PAN3: variants seen among roughly 807,000 people sequenced by gnomAD.
PAN3 encodes poly(A) specific ribonuclease subunit PAN3, also known as PAN2-PAN3 deadenylation complex subunit PAN3.
A neutral mutation model predicts 96.2 loss-of-function variants in PAN3; 19 were observed. The ratio of observed to expected loss-of-function variants is 0.20; its 90% CI spans 0.14 to 0.29. The LOEUF (loss-of-function observed/expected upper bound fraction) is 0.29, where lower values mean the gene tolerates loss of function less well. PAN3 is among the 10% of genes least tolerant of loss of function. The probability of loss-of-function intolerance (pLI) is 1.00; values close to 1 mark genes in which losing one functional copy is unlikely to be tolerated. For missense variants in PAN3, 882 were observed against 1,108.1 expected (o/e 0.80, Z 2.90); for synonymous variants, 433 against 406.6 (o/e 1.06, Z -0.78).
chr13:28,185,349 T>G (rs1301005015), intron 4 of PAN3, among the ~76,000 whole-genome samples: 1 of 152,204 alleles, frequency 6.6e-6, no homozygotes, highest in Non-Finnish European at 1.5e-5. Context: ...TCCTGCTAAG[T>G]AAAGAGTATT....
At chr13:28,224,140 G>A (rs550523198) in intron 6 of PAN3, among the ~76,000 whole-genome samples, 11 of 152,200 alleles carry the variant, frequency 7.2e-5, no homozygotes, top group Non-Finnish European at 1.3e-4. Flanking sequence ...CAAAGTGCTG[G>A]GATTACAGGC....
Position 28,203,161 on chromosome 13 carries a change from G to A in PAN3, c.852+5815G>A, listed in dbSNP as rs555206023. Reference sequence around the variant, plus strand: ...TTTTTGGTAGAAACAGGGTTTCACCGTGTTGCCCAGGCTGTTCTTGAACTC... The same window carrying A: ...TTTTTGGTAGAAACAGGGTTTCACCATGTTGCCCAGGCTGTTCTTGAACTC... On this transcript the variant is annotated intron_variant, in intron 5 of 18. Coordinates refer to ENST00000380958, the MANE Select transcript of PAN3 (RefSeq NM_175854.8). Among the ~76,000 whole-genome samples, 7 of 151,344 alleles carry A rather than the reference G, an allele frequency of 4.6e-5. No individual in the cohort carries two copies. The South Asian group carries it at 6.3e-4, about 14-fold the overall frequency.
intron 6 of PAN3, among the ~76,000 whole-genome samples, chr13:28,227,211 G>A (rs1882098582): frequency 6.6e-6 from 1 of 152,192 alleles, no homozygotes; most frequent in African/African-American, 2.4e-5. Context: ...CGCAGAGAGG[G>A]ATGTGGCTGC....
Position 28,270,633 on chromosome 13 carries a change from G to T in PAN3, c.1793-68G>T. ...TACATGAATTGTCTTTGCTAATTTT[G>T]ATGTTAATGCTTTAGTCTTTTAGTT... On this transcript the variant is annotated intron_variant, in intron 12 of 18. Transcript: ENST00000380958. The T allele has an allele frequency of 2.0e-6, 3 of 1,498,612 alleles. No individual in the cohort carries two copies. The South Asian group carries it at 3.7e-5, about 18-fold the overall frequency. 92.8% of individuals were successfully genotyped at this position (1,498,612 alleles called of 1,614,324 possible). A position where few individuals can be genotyped will look rare whatever the true frequency, so the allele number is the denominator to read the frequency against.
At chr13:28,211,774 A>C (rs1880066109) in intron 5 of PAN3, among the ~76,000 whole-genome samples, 1 of 152,230 alleles carries the variant, frequency 6.6e-6, no homozygotes, top group Admixed American at 6.5e-5. Context: ...CATATGTAAC[A>C]GCAGTTTTCA....
rs990881819 is a variant in PAN3, at chr13:28,260,673, C to T, written c.1353+122C>T. 22 of 730,940 alleles carry T rather than the reference C, an allele frequency of 3.0e-5. No homozygotes were observed. The African/African-American group carries it at 3.8e-4, about 13-fold the overall frequency. 45.3% of individuals were successfully genotyped at this position (730,940 alleles called of 1,614,324 possible). ...TCAAATATGCTCTAGTAAAGCACAT[C>T]GAATTTAGAAGTTTTAATTGGTATT... On this transcript the variant is annotated intron_variant, in intron 8 of 18. Transcript: ENST00000380958.
chr13:28,177,820 T>C (rs1364601976), intron 3 of PAN3, 45 bp from the exon 4 acceptor site: 2 of 1,499,490 alleles, frequency 1.3e-6, no homozygotes, highest in Non-Finnish European at 1.9e-6. Context: ...GATTTGCGGG[T>C]TACCCAAGTT....
chr13:28,277,035 C>T (rs1450069123), intron 14 of PAN3, among the ~76,000 whole-genome samples: 1 of 152,056 alleles, frequency 6.6e-6, no homozygotes, highest in Non-Finnish European at 1.5e-5. Flanking sequence ...TTTCTGGACC[C>T]ACCCAATGAG....
chr13:28,251,897 T>TTTGG (rs1456043109), intron 6 of PAN3, among the ~76,000 whole-genome samples: 24 of 152,024 alleles, frequency 1.6e-4, no homozygotes, highest in East Asian at 3.9e-4. Context: ...TGTTTGTTTG[T>TTTGG]TTGGTTTTGA....
chr13:28,178,538 C>G (rs1052197268), intron 4 of PAN3, among the ~76,000 whole-genome samples: 1 of 151,914 alleles, frequency 6.6e-6, no homozygotes, highest in East Asian at 1.9e-4. Context: ...CTTGTTAATA[C>G]TAATAATCAT....
intron 1 of PAN3, among the ~76,000 whole-genome samples, chr13:28,171,059 G>A (rs1250007585): frequency 6.6e-6 from 1 of 152,112 alleles, no homozygotes; most frequent in South Asian, 2.1e-4. Flanking sequence ...GCCTCCCAAA[G>A]TGCTGGGATT....
chr13:28,249,640 G>A lies in PAN3; in HGVS notation c.1001-6652G>A, dbSNP rs143472747. 1.9e-3 allele frequency among the ~76,000 whole-genome samples: 291 copies of A among 152,072 alleles called. 1 individual carries two copies. Among genetic ancestry groups the A allele is most frequent in the Admixed American group, 4.5e-3 (68 of 15,256 alleles). On this transcript the variant is annotated intron_variant, in intron 6 of 18. Transcript: ENST00000380958. Reference sequence around the variant, plus strand: ...ATTTTTTGTATTTTTAGTAGAGACGGGGTTTCACCATGTTGACCAGGCTGG... The same window carrying A: ...ATTTTTTGTATTTTTAGTAGAGACGAGGTTTCACCATGTTGACCAGGCTGG...
chr13:28,211,991 C>A (rs1238562279), intron 5 of PAN3, among the ~76,000 whole-genome samples: 1 of 152,176 alleles, frequency 6.6e-6, no homozygotes, highest in African/African-American at 2.4e-5. Flanking sequence ...CAATACTATA[C>A]AAGAAAACAT....
At chr13:28,244,617 G>A (rs1884000708) in intron 6 of PAN3, among the ~76,000 whole-genome samples, 1 of 151,904 alleles carries the variant, frequency 6.6e-6, no homozygotes. Flanking sequence ...ATTCATATGA[G>A]CCTCTATCAA....
At chr13:28,187,002 C>G (rs1322784367) in intron 4 of PAN3, among the ~76,000 whole-genome samples, 1 of 152,092 alleles carries the variant, frequency 6.6e-6, no homozygotes, top group Non-Finnish European at 1.5e-5. Flanking sequence ...TTGCTTGAGA[C>G]TAGCCTGGGC....
At chr13:28,154,630 G>C (rs956830625) in intron 1 of PAN3, among the ~76,000 whole-genome samples, 1 of 151,880 alleles carries the variant, frequency 6.6e-6, no homozygotes, top group African/African-American at 2.4e-5. Context: ...AAGTAGCTGG[G>C]ATTACAGGTG....
chr13:28,157,851 T>A (rs945005428), intron 1 of PAN3, among the ~76,000 whole-genome samples: 1 of 152,222 alleles, frequency 6.6e-6, no homozygotes, highest in African/African-American at 2.4e-5. Flanking sequence ...TAGAAAAGAC[T>A]GTTCTGAAAT....
At chr13:28,210,201 C>T (rs1236766992) in intron 5 of PAN3, among the ~76,000 whole-genome samples, 1 of 152,138 alleles carries the variant, frequency 6.6e-6, no homozygotes, top group African/African-American at 2.4e-5. Context: ...GAGCTAACAA[C>T]TGTCTTTGGA....
intron 1 of PAN3, among the ~76,000 whole-genome samples, chr13:28,160,135 T>C (rs1288325781): frequency 6.6e-6 from 1 of 152,050 alleles, no homozygotes; most frequent in Admixed American, 6.6e-5. Context: ...AGAGATGGGA[T>C]TTCACTATGT....
Sources: allele counts gnomAD v4.1 joint callset (sites outside exome capture counted in the v4.1 genomes callset), GRCh38; gene constraint gnomAD v4.1.1; transcripts MANE v1.5; gene names NCBI Gene and HGNC (gene_info 2026-07-23, HGNC 2026-07-21).